CSMD1: variants seen among roughly 807,000 people sequenced by gnomAD.
CSMD1 encodes the protein CUB and Sushi multiple domains 1.
Under a neutral mutation model 417.5 loss-of-function variants are expected in CSMD1, and 213 were observed. The observed-to-expected ratio is 0.51, with a 90% CI of 0.46 to 0.57. The LOEUF (loss-of-function observed/expected upper bound fraction) is 0.57, where lower values mean the gene tolerates loss of function less well. Among genes scored for constraint, CSMD1 ranks in the 20% least tolerant of loss-of-function variants. The probability of loss-of-function intolerance (pLI) is 0.00; values close to 1 mark genes in which losing one functional copy is unlikely to be tolerated. For synonymous variants in CSMD1, 2,862 were observed against 1,736.8 expected (o/e 1.65, Z -16.11); for missense variants, 6,923 against 4,529.7 (o/e 1.53, Z -15.17).
intron 1 of CSMD1, among the ~76,000 whole-genome samples, chr8:4,853,398 T>C (rs1216271183): frequency 6.6e-6 from 1 of 152,192 alleles, no homozygotes; most frequent in Non-Finnish European, 1.5e-5. Context: ...CAGGTACAGC[T>C]CATATTGCTG....
intron 1 of CSMD1, among the ~76,000 whole-genome samples, chr8:4,728,882 T>C (rs868807589): frequency 2.0e-5 from 3 of 152,108 alleles, no homozygotes; most frequent in South Asian, 2.1e-4. Context: ...GGGAGAATTA[T>C]TGGAGGGAGA....
At chr8:3,451,305 A>T (rs1156898285) in intron 12 of CSMD1, among the ~76,000 whole-genome samples, 2 of 152,142 alleles carry the variant, frequency 1.3e-5, no homozygotes, top group Non-Finnish European at 2.9e-5. Context: ...GCTGCACAGA[A>T]GCTCTTTAGT....
rs1358483452 is a variant in CSMD1, at chr8:3,960,235, C to G, written c.818+37668G>C. Among the ~76,000 whole-genome samples the G allele has an allele frequency of 2.0e-5, 3 of 151,984 alleles. No homozygotes were observed. In the East Asian group the frequency reaches 5.8e-4, roughly 29 times the overall value. ...TCTATTTCTAAGAAAATTTTATTTC[C>G]TCTCCTCACATTCTGGAAACAGCAA... On this transcript the variant is annotated intron_variant, in intron 5 of 69. Transcript: ENST00000635120.
chr8:3,926,091 AC>A, intron 5 of CSMD1, among the ~76,000 whole-genome samples: 1 of 42,138 alleles, frequency 2.4e-5, no homozygotes, highest in Non-Finnish European at 3.9e-5. Context: ...ATACACACAC[AC>A]ACACACACAC....
chr8:3,626,161 C>T (rs1407933631), intron 7 of CSMD1, among the ~76,000 whole-genome samples: 3 of 152,180 alleles, frequency 2.0e-5, no homozygotes, highest in Admixed American at 6.5e-5. Flanking sequence ...CAAAGAGCGA[C>T]GTCTCTATGC....
chr8:3,382,548 G>C (rs57706902), intron 18 of CSMD1, among the ~76,000 whole-genome samples: 2 of 40,976 alleles, frequency 4.9e-5, no homozygotes, highest in South Asian at 5.4e-4. Context: ...TTTATTATTA[G>C]CATTATGTCT....
Position 3,832,700 on chromosome 8 carries a change from T to G in CSMD1, c.819-78658A>C, listed in dbSNP as rs547438886. On this transcript the variant is annotated intron_variant, in intron 5 of 69. Transcript: ENST00000635120. Reference sequence around the variant, plus strand: ...GACACTATAGATTCATGACTGTATTTCAGAACGAAACAAAAATAGGACTTA... The same window carrying G: ...GACACTATAGATTCATGACTGTATTGCAGAACGAAACAAAAATAGGACTTA... 2.6e-5 allele frequency among the ~76,000 whole-genome samples: 4 copies of G among 152,268 alleles called. No homozygotes were observed. The East Asian group carries it at 7.7e-4, about 29-fold the overall frequency.
intron 2 of CSMD1, among the ~76,000 whole-genome samples, chr8:4,609,146 T>A (rs1801037648): frequency 6.6e-6 from 1 of 152,188 alleles, no homozygotes; most frequent in South Asian, 2.1e-4. Flanking sequence ...ATGCATGTAA[T>A]CCCAGCACTT....
intron 3 of CSMD1, among the ~76,000 whole-genome samples, chr8:4,349,084 C>G (rs1319821016): frequency 6.6e-6 from 1 of 152,216 alleles, no homozygotes; most frequent in East Asian, 1.9e-4. Flanking sequence ...ATGAAATGCT[C>G]AAATTACAAA....
chr8:4,140,493 A>AAAACAAAC (rs771767294), intron 3 of CSMD1, among the ~76,000 whole-genome samples: 2 of 132,900 alleles, frequency 1.5e-5, no homozygotes, highest in Non-Finnish European at 3.4e-5. Context: ...ATCCATCTCA[A>AAAACAAAC]AAACAAACAA....
chr8:3,423,278 T>C (rs1032634209), intron 12 of CSMD1, among the ~76,000 whole-genome samples: 1 of 152,208 alleles, frequency 6.6e-6, no homozygotes, highest in Non-Finnish European at 1.5e-5. Context: ...AAAATCATGG[T>C]ATGGAGGCTT....
chr8:4,672,263 C>A (rs575821181), intron 1 of CSMD1, among the ~76,000 whole-genome samples: 2 of 152,148 alleles, frequency 1.3e-5, no homozygotes, highest in African/African-American at 2.4e-5. Context: ...TATCAGGAAG[C>A]TTTTGATCTC....
At chr8:3,464,503 C>G (rs1241747805) in intron 12 of CSMD1, among the ~76,000 whole-genome samples, 1 of 151,342 alleles carries the variant, frequency 6.6e-6, no homozygotes, top group Non-Finnish European at 1.5e-5. Flanking sequence ...GCCCCGGACT[C>G]ACATTATCTT....
Position 3,430,158 on chromosome 8 carries a change from C to A in CSMD1, c.1562-20553G>T, listed in dbSNP as rs527869714. ...ACATACAAACATATGAATATACACA[C>A]AACTATACTGGGAATTCTAATATCT... On this transcript the variant is annotated intron_variant, in intron 12 of 69. Coordinates refer to ENST00000635120, the MANE Select transcript of CSMD1 (RefSeq NM_033225.6). Among the ~76,000 whole-genome samples the A allele has an allele frequency of 8.0e-4, 121 of 152,126 alleles. 3 individuals carry two copies. The South Asian group carries it at 0.011, about 13-fold the overall frequency.
chr8:3,727,094 C>A (rs1405838030), intron 6 of CSMD1, among the ~76,000 whole-genome samples: 1 of 152,126 alleles, frequency 6.6e-6, no homozygotes, highest in African/African-American at 2.4e-5. Context: ...TAATGTTACC[C>A]AACTTACTAC....
At chr8:4,152,475 G>A (rs1796618834) in intron 3 of CSMD1, among the ~76,000 whole-genome samples, 1 of 151,158 alleles carries the variant, frequency 6.6e-6, no homozygotes, top group Non-Finnish European at 1.5e-5. Context: ...AGCAGTTTGG[G>A]CCAAGGAGTA....
chr8:4,101,844 A>G (rs1020268803), intron 3 of CSMD1, among the ~76,000 whole-genome samples: 3 of 152,086 alleles, frequency 2.0e-5, no homozygotes, highest in Admixed American at 1.3e-4. Context: ...CTCTGAATTG[A>G]ATCTGAAAAT....
Position 3,533,617 on chromosome 8 carries a change from A to G in CSMD1, c.1345-39891T>C, listed in dbSNP as rs368289237. Among the ~76,000 whole-genome samples the G allele has an allele frequency of 7.9e-5, 12 of 152,070 alleles. No homozygotes were observed. The South Asian group carries it at 2.5e-3, about 32-fold the overall frequency. On this transcript the variant is annotated intron_variant, in intron 10 of 69. Transcript: ENST00000635120. ...GGGAAGCCCTTGCTTCCCTGAATCC[A>G]CTCATCTGCATCTGGAATCTCCCAG...
intron 2 of CSMD1, among the ~76,000 whole-genome samples, chr8:4,464,744 G>C (rs1179115614): frequency 6.6e-6 from 1 of 152,248 alleles, no homozygotes; most frequent in South Asian, 2.1e-4. Flanking sequence ...ATCAGCATCC[G>C]TTGCTTTAAG....
Sources: gnomAD v4.1 joint callset for allele counts (sites outside exome capture counted in the v4.1 genomes callset) on GRCh38, gnomAD v4.1.1 for gene constraint, MANE v1.5 for transcripts, NCBI Gene and HGNC (gene_info 2026-07-23, HGNC 2026-07-21) for gene names.